The following HS6ST3 variants were observed in gnomAD, a reference collection of about 807,000 sequenced individuals.
HS6ST3 encodes the protein heparan-sulfate 6-O-sulfotransferase 3.
Under a neutral mutation model 36.7 loss-of-function variants are expected in HS6ST3, and 12 were observed. That is an observed-to-expected ratio of 0.33 (90% CI 0.21 to 0.53). The LOEUF is 0.53. Among genes scored for constraint, HS6ST3 ranks in the 20% least tolerant of loss-of-function variants. HS6ST3 has a pLI of 0.95. For missense variants in HS6ST3, 584 were observed against 640.9 expected, an observed-to-expected ratio of 0.91 and a Z score of 0.96; for synonymous variants, 240 against 257.5, an observed-to-expected ratio of 0.93 and a Z score of 0.65.
At chr13:96,453,352 T>C (rs1396762496) in intron 1 of HS6ST3, among the ~76,000 whole-genome samples, 3 of 152,136 alleles carry the variant, frequency 2.0e-5, no homozygotes, top group African/African-American at 7.2e-5. Context: ...TCTCTCACCT[T>C]TTGGAGTCTC....
intron 1 of HS6ST3, among the ~76,000 whole-genome samples, chr13:96,711,213 C>CGG (rs1875553769): frequency 6.6e-6 from 1 of 152,150 alleles, no homozygotes; most frequent in African/African-American, 2.4e-5. Flanking sequence ...TTGGCCACAC[C>CGG]TCAGCCTATA....
At chr13:96,233,526 A>G (rs2054518156) in intron 1 of HS6ST3, among the ~76,000 whole-genome samples, 1 of 152,242 alleles carries the variant, frequency 6.6e-6, no homozygotes, top group South Asian at 2.1e-4. Context: ...CCAGCAAAAT[A>G]AATCTGAAAT....
chr13:96,382,619 A>G (rs144493721), intron 1 of HS6ST3, among the ~76,000 whole-genome samples: 48 of 152,318 alleles, frequency 3.2e-4, no homozygotes, highest in African/African-American at 1.1e-3. Context: ...AATATAACAA[A>G]CATAATTGTG....
chr13:96,192,717 A>G (rs1037253424), intron 1 of HS6ST3, among the ~76,000 whole-genome samples: 2 of 152,058 alleles, frequency 1.3e-5, no homozygotes, highest in African/African-American at 4.8e-5. Flanking sequence ...TGCGATGAAT[A>G]TATGTGTACT....
chr13:96,172,671 C>T (rs1296061841), intron 1 of HS6ST3, among the ~76,000 whole-genome samples: 1 of 152,152 alleles, frequency 6.6e-6, no homozygotes, highest in Non-Finnish European at 1.5e-5. Context: ...GTTCAGTCCA[C>T]AAGTGGCTCA....
chr13:96,367,164 G>A (rs182625145), intron 1 of HS6ST3, among the ~76,000 whole-genome samples: 100 of 152,192 alleles, frequency 6.6e-4, no homozygotes, highest in Non-Finnish European at 1.1e-3. Context: ...CTTGTATAAC[G>A]GAAGATGCCA....
chr13:96,402,841 G>A (rs866974750), intron 1 of HS6ST3, among the ~76,000 whole-genome samples: 1 of 152,182 alleles, frequency 6.6e-6, no homozygotes, highest in Admixed American at 6.5e-5. Context: ...ATTGTTTGCA[G>A]TTGGGGCTTT....
At chr13:96,291,960 C>T (rs2054831850) in intron 1 of HS6ST3, among the ~76,000 whole-genome samples, 4 of 152,064 alleles carry the variant, frequency 2.6e-5, no homozygotes, top group Admixed American at 2.0e-4. Flanking sequence ...CCATAGAAAG[C>T]TATATTACAA....
At chr13:96,098,927 A>G (rs1296509282) in intron 1 of HS6ST3, among the ~76,000 whole-genome samples, 1 of 152,124 alleles carries the variant, frequency 6.6e-6, no homozygotes, top group Non-Finnish European at 1.5e-5. Flanking sequence ...GACTCATCTC[A>G]TGCATATATG....
At chr13:96,566,284 T>A (rs1260403322) in intron 1 of HS6ST3, among the ~76,000 whole-genome samples, 1 of 152,048 alleles carries the variant, frequency 6.6e-6, no homozygotes, top group African/African-American at 2.4e-5. Context: ...AATGATCAAA[T>A]AAACTAATAA....
chr13:96,271,629 A>T (rs1170752340), intron 1 of HS6ST3, among the ~76,000 whole-genome samples: 1 of 152,004 alleles, frequency 6.6e-6, no homozygotes, highest in Non-Finnish European at 1.5e-5. Context: ...AGAAACTTAC[A>T]CTACTTTGGA....
intron 1 of HS6ST3, among the ~76,000 whole-genome samples, chr13:96,746,779 T>C (rs990379161): frequency 2.0e-4 from 31 of 152,208 alleles, no homozygotes; most frequent in Admixed American, 6.6e-4. Context: ...GTATTATATC[T>C]TTTGATTTCT....
chr13:96,217,801 C>T (rs1022673834), intron 1 of HS6ST3, among the ~76,000 whole-genome samples: 2 of 151,902 alleles, frequency 1.3e-5, no homozygotes, highest in Non-Finnish European at 2.9e-5. Flanking sequence ...TATGCATATA[C>T]ATGTGTATAT....
intron 1 of HS6ST3, among the ~76,000 whole-genome samples, chr13:96,716,546 G>T (rs1346599924): frequency 6.6e-6 from 1 of 152,006 alleles, no homozygotes; most frequent in African/African-American, 2.4e-5. Flanking sequence ...AATGAAAAAT[G>T]CTCACTGCAA....
chr13:96,421,398 A>T (rs2055561459), intron 1 of HS6ST3, among the ~76,000 whole-genome samples: 1 of 152,188 alleles, frequency 6.6e-6, no homozygotes, highest in Non-Finnish European at 1.5e-5. Context: ...AGTGCTTTAC[A>T]ATCTGCTGAA....
At chr13:96,557,032 T>G (rs2056243657) in intron 1 of HS6ST3, among the ~76,000 whole-genome samples, 1 of 152,168 alleles carries the variant, frequency 6.6e-6, no homozygotes, top group Non-Finnish European at 1.5e-5. Context: ...TCCACATGAT[T>G]TATAGGTCAT....
At chr13:96,560,943 T>C (rs186652230) in intron 1 of HS6ST3, among the ~76,000 whole-genome samples, 106 of 152,128 alleles carry the variant, frequency 7.0e-4, no homozygotes, top group African/African-American at 2.4e-3. Context: ...ACCAATAATA[T>C]CATCAAAATG....
intron 1 of HS6ST3, among the ~76,000 whole-genome samples, chr13:96,761,692 A>G (rs929972139): frequency 9.2e-5 from 14 of 152,256 alleles, no homozygotes; most frequent in Admixed American, 7.8e-4. Context: ...ATTCCCATAA[A>G]CAATATGTAG....
chr13:96,312,021 A>G (rs963760516), intron 1 of HS6ST3, among the ~76,000 whole-genome samples: 2 of 152,124 alleles, frequency 1.3e-5, no homozygotes, highest in Non-Finnish European at 2.9e-5. Context: ...TAACTGATAC[A>G]ATGTCTTCCC....
Sources: allele counts gnomAD v4.1 joint callset (sites outside exome capture counted in the v4.1 genomes callset), GRCh38; gene constraint gnomAD v4.1.1; transcripts MANE v1.5; gene names NCBI Gene and HGNC (gene_info 2026-07-23, HGNC 2026-07-21).